Variants in CCDC88A observed in about 807,000 individuals in gnomAD.
CCDC88A encodes the protein girdin.
Under a neutral mutation model 234.3 loss-of-function variants are expected in CCDC88A, and 54 were observed. The observed-to-expected ratio is 0.23, with a 90% CI of 0.19 to 0.29. CCDC88A has a LOEUF of 0.29. Ranked by LOEUF, CCDC88A falls within the 10% of genes least tolerant of loss-of-function variation. The pLI, the probability that CCDC88A is intolerant of heterozygous loss-of-function variation, is 1.00. For missense variants in CCDC88A, 1,832 were observed against 2,123.4 expected, an observed-to-expected ratio of 0.86 and a Z score of 2.70; for synonymous variants, 753 against 737.8, an observed-to-expected ratio of 1.02 and a Z score of -0.33.
intron 2 of CCDC88A, among the ~76,000 whole-genome samples, chr2:55,402,632 C>T (rs533752428): frequency 1.1e-4 from 16 of 151,756 alleles, no homozygotes; most frequent in Non-Finnish European, 2.1e-4. Flanking sequence ...TTCTTAACAT[C>T]GTGCATTGGT....
chr2:55,390,053 A>AAAAAAG (rs377022377), intron 2 of CCDC88A, among the ~76,000 whole-genome samples: 4,092 of 79,442 alleles, frequency 0.052, 857 homozygotes, highest in African/African-American at 0.13. Flanking sequence ...AAAAAAATAA[A>AAAAAAG]AAATAAAGAT....
chr2:55,380,299 T>C (rs972331245), intron 3 of CCDC88A, among the ~76,000 whole-genome samples: 1 of 151,796 alleles, frequency 6.6e-6, no homozygotes, highest in Non-Finnish European at 1.5e-5. Context: ...GAGGTGGAGA[T>C]GAGGAGAACG....
intron 31 of CCDC88A, 83 bp from the exon 32 acceptor site, chr2:55,291,858 A>T (rs896786073): frequency 3.0e-6 from 3 of 1,015,040 alleles, no homozygotes; most frequent in Non-Finnish European, 4.6e-6. Flanking sequence ...ACTCTCACTG[A>T]GTAGGGCAAG....
chr2:55,384,591 A>ATATATACGTATATATGCGTATATATACG (rs1558788481), intron 3 of CCDC88A, among the ~76,000 whole-genome samples: 34 of 2,390 alleles, frequency 0.014, 9 homozygotes, highest in African/African-American at 0.027. Context: ...GTATATATAC[A>ATATATACGTATATATGCGTATATATACG]CATATATACG....
rs144685611 is a variant in CCDC88A, at chr2:55,302,287, C to T, written c.4472-215G>A. On this transcript the variant is annotated intron_variant, in intron 26 of 32. Coordinates refer to ENST00000436346, the MANE Select transcript of CCDC88A (RefSeq NM_001365480.1). ...AATTTCAATAAATACTTTTATCCCA[C>T]CTCCACCCCCTTTAAAAGACAGAGA... Among the ~76,000 whole-genome samples, 474 of 152,260 alleles carry T rather than the reference C, an allele frequency of 3.1e-3. 1 individual carries two copies. The highest frequency in any genetic ancestry group is 0.011 in the African/African-American group (444 of 41,554).
At chr2:55,355,205 C>A in intron 8 of CCDC88A, 1 of 184,404 alleles carries the variant, frequency 5.4e-6, no homozygotes, top group Non-Finnish European at 1.1e-5. Flanking sequence ...TTTTGGGGGG[C>A]AGAATAGGTG....
chr2:55,296,049 G>T lies in CCDC88A; in HGVS notation c.5099C>A (p.Ser1700Tyr). The stretch of plus-strand genomic sequence containing the variant: ...ATCTAAAAGATTCTCTTGACTTGAG[G>T]ACTTTATCTGTTTAAAAAAAAATTC... ...SNKLTSVQIK[S>Y]SSQENLLDEV... The change falls in exon 31 of 33, where the codon TCC becomes TAC. Residue 1700 changes from serine (S) to tyrosine (Y), a missense_variant. This residue lies in a region of CCDC88A where 422 missense variants were observed against 416.5 expected (regional missense o/e 1.01). Coordinates refer to ENST00000436346, the MANE Select transcript of CCDC88A (RefSeq NM_001365480.1). 6.3e-7 allele frequency: 1 copy of T among 1,581,498 alleles called. No homozygotes were observed. Among genetic ancestry groups the T allele is most frequent in the East Asian group, 2.2e-5 (1 of 44,744 alleles).
chr2:55,339,627 T>C lies in CCDC88A; in HGVS notation c.1355A>G (p.His452Arg), dbSNP rs756254873. The change falls in exon 13 of 33, where the codon CAT (histidine) becomes CGT (arginine). Residue 452 changes from histidine (H) to arginine (R), a missense_variant. Coordinates refer to ENST00000436346, the MANE Select transcript of CCDC88A (RefSeq NM_001365480.1). ...ACTTGATGTCAACTCATTCACCTCA[T>C]GGCCCAGGGATTTCTGGGGTGCTAT... ...LSEAPQKSLG[H>R]EVNELTSSRL... The C allele has an allele frequency of 3.1e-6, 5 of 1,608,302 alleles. No homozygotes were observed. The East Asian group carries it at 8.9e-5, about 29-fold the overall frequency.
At chr2:55,389,038 T>G (rs1294425814) in intron 2 of CCDC88A, 152 bp from the exon 3 acceptor site, 1 of 284,874 alleles carries the variant, frequency 3.5e-6, no homozygotes, top group Non-Finnish European at 6.5e-6. Context: ...GATTATTACT[T>G]TGACATGTAT....
intron 13 of CCDC88A, among the ~76,000 whole-genome samples, chr2:55,338,719 G>A (rs1173568479): frequency 2.6e-5 from 4 of 152,178 alleles, no homozygotes; most frequent in Non-Finnish European, 5.9e-5. Flanking sequence ...CTTAAGGAGT[G>A]CTAAGGCCAT....
intron 2 of CCDC88A, chr2:55,394,642 A>G (rs1677205565): frequency 8.8e-6 from 1 of 112,996 alleles, no homozygotes; most frequent in African/African-American, 3.5e-5. Flanking sequence ...GGAACATCAC[A>G]CACTGGGGAC....
chr2:55,418,766 T>C (rs374041165), intron 2 of CCDC88A, 50 bp downstream of exon 2: 141 of 1,395,662 alleles, frequency 1.0e-4, no homozygotes, highest in Non-Finnish European at 1.4e-4. Context: ...AAGTTCACCA[T>C]ATGCTATTTC....
At chr2:55,294,665 G>T (rs1393521365) in intron 31 of CCDC88A, 1 of 992,148 alleles carries the variant, frequency 1.0e-6, no homozygotes, top group Admixed American at 5.8e-5. Flanking sequence ...GAGGAAGGGA[G>T]GGAGGAAATG....
chr2:55,406,507 C>CA, intron 2 of CCDC88A, among the ~76,000 whole-genome samples: 1 of 152,264 alleles, frequency 6.6e-6, no homozygotes, highest in South Asian at 2.1e-4. Context: ...GTAATCCCAG[C>CA]ACTTGGGAGG....
chr2:55,416,443 AATATATATATATATATATATAT>A (rs60840841), intron 2 of CCDC88A, among the ~76,000 whole-genome samples: 4 of 15,838 alleles, frequency 2.5e-4, no homozygotes, highest in East Asian at 1.3e-3. Flanking sequence ...TAAATAAATA[AATATATATATATATATATATAT>A]ATATATATAT....
chr2:55,339,256 G>A, intron 13 of CCDC88A: 1 of 497,636 alleles, frequency 2.0e-6, no homozygotes, highest in Middle Eastern at 5.5e-4. Context: ...CCCGCACCTG[G>A]CCAAGATCAG....
At chr2:55,358,222 T>C (rs1247666873) in intron 7 of CCDC88A, among the ~76,000 whole-genome samples, 2 of 152,180 alleles carry the variant, frequency 1.3e-5, no homozygotes, top group African/African-American at 4.8e-5. Flanking sequence ...TAATTTGCAA[T>C]AGAGGTATTA....
intron 2 of CCDC88A, among the ~76,000 whole-genome samples, chr2:55,396,869 C>CAAAAAA (rs34500780): frequency 3.4e-5 from 2 of 58,876 alleles, no homozygotes; most frequent in African/African-American, 1.3e-4. Flanking sequence ...GACTCCATCT[C>CAAAAAA]AAAAAAAAAA....
In CCDC88A at chr2:55,335,986, G is replaced by A. The variant is rs970966576; in HGVS notation, c.1656+695C>T. Among the ~76,000 whole-genome samples the A allele has an allele frequency of 2.0e-5, 3 of 151,794 alleles. No individual in the cohort carries two copies. Among genetic ancestry groups the A allele is most frequent in the Non-Finnish European group, 2.9e-5 (2 of 67,954 alleles). Reference sequence around the variant, plus strand: ...GGCAGGAATATCACTTCAGCTCAGGGGTTTGAGACCAGCCTGGGGAGCATA... The same window carrying A: ...GGCAGGAATATCACTTCAGCTCAGGAGTTTGAGACCAGCCTGGGGAGCATA... On this transcript the variant is annotated intron_variant, in intron 14 of 32. Coordinates refer to ENST00000436346, the MANE Select transcript of CCDC88A (RefSeq NM_001365480.1). This position sits in a 1 kb window ranked among gnomAD's most constrained non-coding sequence, Gnocchi z 4.5.
Sources: gnomAD v4.1 joint callset for allele counts (sites outside exome capture counted in the v4.1 genomes callset) on GRCh38, gnomAD v4.1.1 for gene constraint, gnomAD v4.1.1 regional missense constraint, Gnocchi (gnomAD v3.1) non-coding constraint, MANE v1.5 for transcripts, NCBI Gene and HGNC (gene_info 2026-07-23, HGNC 2026-07-21) for gene names.